Variants in MTMR8 observed in about 807,000 individuals in gnomAD.
MTMR8 encodes myotubularin related protein 8, also known as phosphatidylinositol-3,5-bisphosphate 3-phosphatase MTMR8.
Under a neutral mutation model 39.3 loss-of-function variants are expected in MTMR8, and 65 were observed. The observed-to-expected ratio is 1.65, with a 90% confidence interval of 1.35 to 2.03. The LOEUF (loss-of-function observed/expected upper bound fraction) is 2.03, where lower values mean the gene tolerates loss of function less well. MTMR8 is among the 30% of genes most tolerant of loss of function. The probability of loss-of-function intolerance (pLI) is 0.00; values close to 1 mark genes in which losing one functional copy is unlikely to be tolerated. For missense variants in MTMR8, 777 were observed against 538.9 expected, an observed-to-expected ratio of 1.44 and a Z score of -4.37; for synonymous variants, 245 against 185.2, an observed-to-expected ratio of 1.32 and a Z score of -2.62.
intron 1 of MTMR8, among the ~76,000 whole-genome samples, chrX:64,369,197 A>G (rs1373802357): frequency 1.8e-5 from 2 of 111,959 alleles, no homozygotes; most frequent in Non-Finnish European, 3.8e-5. Context: ...ACTGTGGAAG[A>G]CAGTGTGGCA....
At chrX:64,292,421 G>A (rs1297234317) in intron 12 of MTMR8, among the ~76,000 whole-genome samples, 1 of 111,171 alleles carries the variant, frequency 9.0e-6, no homozygotes, top group African/African-American at 3.3e-5. Flanking sequence ...GTGCATGTTG[G>A]ACCTCGCTGT....
At chrX:64,326,047 T>C (rs1602132532) in intron 12 of MTMR8, among the ~76,000 whole-genome samples, 1 of 112,049 alleles carries the variant, frequency 8.9e-6, no homozygotes, top group Middle Eastern at 4.2e-3. Flanking sequence ...GTATATTATA[T>C]GTATTATACA....
chrX:64,281,325 A>G (rs1388619480), intron 12 of MTMR8, among the ~76,000 whole-genome samples: 1 of 111,877 alleles, frequency 8.9e-6, no homozygotes, highest in Admixed American at 9.5e-5. Flanking sequence ...AGTAACCAAA[A>G]CAGCATGGTA....
At chrX:64,309,238 G>A (rs1359868216) in intron 12 of MTMR8, among the ~76,000 whole-genome samples, 1 of 111,861 alleles carries the variant, frequency 8.9e-6, no homozygotes, top group East Asian at 2.8e-4. Flanking sequence ...CTATCCATGA[G>A]CATAGAATAT....
chrX:64,298,720 A>C (rs1184806055), intron 12 of MTMR8, among the ~76,000 whole-genome samples: 5 of 81,075 alleles, frequency 6.2e-5, no homozygotes, highest in Admixed American at 5.9e-4. Context: ...TGGGTTTGTC[A>C]TAGATAGCTC....
intron 12 of MTMR8, among the ~76,000 whole-genome samples, chrX:64,301,430 G>C (rs1363954565): frequency 9.5e-6 from 1 of 104,814 alleles, no homozygotes; most frequent in Non-Finnish European, 2.0e-5. Flanking sequence ...AGCTCCATCA[G>C]CTCCTTTAAG....
chrX:64,268,989 C>T lies in MTMR8; in HGVS notation c.1663G>A (p.Gly555Arg). The T allele has an allele frequency of 8.3e-7, 1 of 1,211,655 alleles. No individual in the cohort carries two copies. The highest frequency in any genetic ancestry group is 1.8e-5 in the South Asian group (1 of 56,974). Residue 555 changes from glycine to arginine, a missense_variant, in exon 14 of 14, where the codon GGA (glycine) becomes AGA (arginine). Gly to Arg is a moderately radical substitution (Grantham distance 125, BLOSUM62 -2). Coordinates refer to ENST00000374852, the MANE Select transcript of MTMR8 (RefSeq NM_017677.4). ...CCCAGATGCTGGGATAATATGTTTC[C>T]TAATTGAGAGCAGGTACAGATCTCT... ...PEEICTCSQL[G>R]NILSQHLGSP...
intron 1 of MTMR8, among the ~76,000 whole-genome samples, chrX:64,383,009 C>A (rs1924471085): frequency 9.0e-6 from 1 of 110,830 alleles, no homozygotes; most frequent in East Asian, 2.8e-4. Context: ...CAAGCTTCAC[C>A]CTTAAATACA....
rs763329271 is a variant in MTMR8, at chrX:64,359,397, G to A, written c.147+8C>T. The A allele has an allele frequency of 8.3e-7, 1 of 1,200,513 alleles. No individual in the cohort carries two copies. The highest frequency in any genetic ancestry group is 3.0e-5 in the East Asian group (1 of 33,580). ...AAGACTCTTTGATACTTCTTCTCATGAACATACCCATGTTTCTTTCCGGGC... is the reference window on the plus strand; with the variant it reads ...AAGACTCTTTGATACTTCTTCTCATAAACATACCCATGTTTCTTTCCGGGC... On this transcript the variant is annotated splice_region_variant and intron_variant, in intron 2 of 13. Transcript: ENST00000374852.
intron 1 of MTMR8, among the ~76,000 whole-genome samples, chrX:64,382,380 T>A (rs1924450107): frequency 9.0e-6 from 1 of 111,488 alleles, no homozygotes; most frequent in Non-Finnish European, 1.9e-5. Context: ...GAATGGGAGT[T>A]CACTCATGAT....
At chrX:64,311,331 C>T (rs1922290947) in intron 12 of MTMR8, among the ~76,000 whole-genome samples, 1 of 111,244 alleles carries the variant, frequency 9.0e-6, no homozygotes, top group Non-Finnish European at 1.9e-5. Flanking sequence ...GCTTTGCCCA[C>T]TTTTTGATGG....
intron 12 of MTMR8, chrX:64,304,980 GTATA>G (rs1296813771): frequency 1.3e-5 from 1 of 74,947 alleles, no homozygotes; most frequent in African/African-American, 7.5e-5. Context: ...ACATATATAT[GTATA>G]TACATATATA....
At chrX:64,331,997 C>T (rs1226781951) in intron 10 of MTMR8, among the ~76,000 whole-genome samples, 6 of 111,611 alleles carry the variant, frequency 5.4e-5, no homozygotes, top group Non-Finnish European at 1.1e-4. Context: ...TTTTTTTATA[C>T]ACCCTCTTTC....
chrX:64,321,055 CACA>C (rs1922629482), intron 12 of MTMR8, among the ~76,000 whole-genome samples: 1 of 111,353 alleles, frequency 9.0e-6, no homozygotes, highest in Admixed American at 9.6e-5. Context: ...AATTACAACC[CACA>C]ACAAGTAGCA....
chrX:64,302,748 A>G (rs1921943775), intron 12 of MTMR8, among the ~76,000 whole-genome samples: 1 of 112,289 alleles, frequency 8.9e-6, no homozygotes, highest in Non-Finnish European at 1.9e-5. Context: ...CTTTACATAC[A>G]CTGCAAAACT....
chrX:64,383,400 A>G (rs1332350351), intron 1 of MTMR8, among the ~76,000 whole-genome samples: 1 of 109,029 alleles, frequency 9.2e-6, no homozygotes, highest in Non-Finnish European at 1.9e-5. Context: ...GAATTCCAAA[A>G]CCAAAAATTA....
At chrX:64,365,220 G>A (rs1033317674) in intron 1 of MTMR8, among the ~76,000 whole-genome samples, 3 of 111,077 alleles carry the variant, frequency 2.7e-5, no homozygotes, top group Non-Finnish European at 3.8e-5. Context: ...CCCCAACCTA[G>A]CAAGGGAGGC....
intron 12 of MTMR8, among the ~76,000 whole-genome samples, chrX:64,273,702 T>G (rs1257553987): frequency 9.0e-6 from 1 of 111,178 alleles, no homozygotes; most frequent in Admixed American, 9.6e-5. Flanking sequence ...TTATATGCTG[T>G]CTATAAGAGA....
At chrX:64,302,857 T>G (rs926459237) in intron 12 of MTMR8, among the ~76,000 whole-genome samples, 1 of 112,300 alleles carries the variant, frequency 8.9e-6, no homozygotes, top group East Asian at 2.8e-4. Context: ...ACAGACTCCC[T>G]GCTGTGCTGC....
Sources: gnomAD v4.1 joint callset for allele counts (sites outside exome capture counted in the v4.1 genomes callset) on GRCh38, gnomAD v4.1.1 for gene constraint, MANE v1.5 for transcripts, NCBI Gene and HGNC (gene_info 2026-07-23, HGNC 2026-07-21) for gene names.